Variants in TENM2 observed in about 807,000 individuals in gnomAD.
The protein encoded by TENM2 is teneurin transmembrane protein 2, also known as teneurin-2.
Under a neutral mutation model 245.2 loss-of-function variants are expected in TENM2, and 52 were observed. That is an observed-to-expected ratio of 0.21 (90% confidence interval 0.17 to 0.27). The LOEUF (loss-of-function observed/expected upper bound fraction) is 0.27, where lower values mean the gene tolerates loss of function less well. TENM2 is among the 10% of genes least tolerant of loss of function. TENM2 has a pLI of 1.00. For missense variants in TENM2, 3,046 were observed against 3,666.8 expected, an observed-to-expected ratio of 0.83 and a Z score of 4.37; for synonymous variants, 1,363 against 1,438.9, an observed-to-expected ratio of 0.95 and a Z score of 1.19.
chr5:168,083,655 T>C (rs924563550), intron 7 of TENM2, among the ~76,000 whole-genome samples: 9 of 150,992 alleles, frequency 6.0e-5, no homozygotes, highest in African/African-American at 2.2e-4. Context: ...TCTAAATTAG[T>C]AAATCAGTAG....
chr5:167,990,172 A>G (rs1236159001), intron 4 of TENM2, among the ~76,000 whole-genome samples: 2 of 152,188 alleles, frequency 1.3e-5, no homozygotes, highest in Non-Finnish European at 2.9e-5. Flanking sequence ...TCAAATTCCG[A>G]GGTTTCTCTG....
intron 2 of TENM2, among the ~76,000 whole-genome samples, chr5:167,791,101 C>A (rs961319099): frequency 2.0e-5 from 3 of 152,098 alleles, no homozygotes; most frequent in East Asian, 3.9e-4. Flanking sequence ...GGATTGTAAA[C>A]CCCAAGTGTG....
intron 2 of TENM2, among the ~76,000 whole-genome samples, chr5:167,694,032 G>A (rs897445117): frequency 2.0e-5 from 3 of 152,174 alleles, no homozygotes; most frequent in African/African-American, 7.2e-5. Flanking sequence ...ACTTATCTAA[G>A]ATTTTTAGAA....
At chr5:167,521,170 C>G (rs1770729554) in intron 2 of TENM2, among the ~76,000 whole-genome samples, 1 of 151,746 alleles carries the variant, frequency 6.6e-6, no homozygotes, top group Admixed American at 6.6e-5. Flanking sequence ...AATAAATAAA[C>G]AACATTCAGG....
At chr5:167,049,012 C>A in the TENM2 span, among the ~76,000 whole-genome samples, 1 of 152,030 alleles carries the variant, frequency 6.6e-6, no homozygotes, top group African/African-American at 2.4e-5. Context: ...TGTTTGAGAA[C>A]CACAATGTTG....
intron 3 of TENM2, among the ~76,000 whole-genome samples, chr5:167,890,887 T>C (rs1774697085): frequency 6.6e-6 from 1 of 152,168 alleles, no homozygotes; most frequent in Non-Finnish European, 1.5e-5. Flanking sequence ...AACACTATCA[T>C]GTGTATTACC....
In TENM2 at chr5:167,681,471, A is replaced by T. The variant is rs539674660; in HGVS notation, c.503-194515A>T. On this transcript the variant is annotated intron_variant, in intron 2 of 28. Transcript: ENST00000518659. ...TATGTGATGTCATAAGCAATGATGG[A>T]ATGAATAACTTTGTATATATACTTA... Among the ~76,000 whole-genome samples the T allele has an allele frequency of 5.9e-5, 9 of 152,314 alleles. No homozygotes were observed. In the East Asian group the frequency reaches 1.7e-3, roughly 29 times the overall value.
intron 3 of TENM2, among the ~76,000 whole-genome samples, chr5:167,880,659 T>A (rs1773804886): frequency 6.6e-6 from 1 of 152,184 alleles, no homozygotes; most frequent in Non-Finnish European, 1.5e-5. Context: ...AGTAACATCA[T>A]ATAATACATA....
intron 2 of TENM2, among the ~76,000 whole-genome samples, chr5:167,436,652 C>T (rs1764571498): frequency 6.6e-6 from 1 of 152,056 alleles, no homozygotes; most frequent in South Asian, 2.1e-4. Flanking sequence ...CATCACAGAC[C>T]CAGAGGACTA....
upstream of TENM2, among the ~76,000 whole-genome samples, chr5:167,282,979 G>A (rs1188963137): frequency 6.6e-6 from 1 of 152,086 alleles, no homozygotes; most frequent in Non-Finnish European, 1.5e-5. Flanking sequence ...GCTACTGCTT[G>A]TGCTTTCTTA....
At chr5:167,293,368 A>ATTT (rs199972172) in intron 1 of TENM2, among the ~76,000 whole-genome samples, 16 of 130,538 alleles carry the variant, frequency 1.2e-4, no homozygotes, top group South Asian at 2.5e-4. Context: ...TGTCCGGCTA[A>ATTT]TTTTTTTTTT....
chr5:167,825,974 G>C (rs1160593560), intron 2 of TENM2, among the ~76,000 whole-genome samples: 1 of 151,702 alleles, frequency 6.6e-6, no homozygotes, highest in Non-Finnish European at 1.5e-5. Context: ...GCTCATGTTT[G>C]TTCATTTTTC....
At chr5:168,083,778 T>C (rs1018167569) in intron 7 of TENM2, among the ~76,000 whole-genome samples, 1 of 152,142 alleles carries the variant, frequency 6.6e-6, no homozygotes, top group Non-Finnish European at 1.5e-5. Context: ...CAGAGGTACA[T>C]GAGCAAGTTT....
chr5:167,208,213 C>T, the TENM2 span, among the ~76,000 whole-genome samples: 16 of 152,150 alleles, frequency 1.1e-4, 1 homozygote, highest in Non-Finnish European at 2.1e-4. Context: ...TGTGTACATT[C>T]TTAGTTACTC....
chr5:167,378,474 G>T (rs1255106027), intron 2 of TENM2, among the ~76,000 whole-genome samples: 1 of 151,190 alleles, frequency 6.6e-6, no homozygotes, highest in East Asian at 1.9e-4. Context: ...CTTGGATTGG[G>T]TTGCTTCAAA....
intron 2 of TENM2, among the ~76,000 whole-genome samples, chr5:167,527,513 G>A (rs1490696578): frequency 1.3e-5 from 2 of 152,002 alleles, no homozygotes; most frequent in Non-Finnish European, 2.9e-5. Flanking sequence ...GATTGCCCTA[G>A]CCCTTGTCCC....
At chr5:167,363,129 A>G (rs1759814875) in intron 1 of TENM2, among the ~76,000 whole-genome samples, 1 of 152,208 alleles carries the variant, frequency 6.6e-6, no homozygotes, top group Admixed American at 6.5e-5. Flanking sequence ...TAGAAGAAGA[A>G]ATAAAAATAA....
chr5:167,668,790 A>AC (rs1755742452), intron 2 of TENM2, among the ~76,000 whole-genome samples: 1 of 151,968 alleles, frequency 6.6e-6, no homozygotes, highest in Non-Finnish European at 1.5e-5. Context: ...CCTCATCTCT[A>AC]TAAAAATACA....
chr5:167,003,211 A>G, the TENM2 span, among the ~76,000 whole-genome samples: 3 of 152,212 alleles, frequency 2.0e-5, no homozygotes, highest in Admixed American at 2.0e-4. Flanking sequence ...TTAAACAGAC[A>G]TGATAAAATC....
Sources: allele counts gnomAD v4.1 joint callset (sites outside exome capture counted in the v4.1 genomes callset), GRCh38; gene constraint gnomAD v4.1.1; transcripts MANE v1.5; gene names NCBI Gene and HGNC (gene_info 2026-07-23, HGNC 2026-07-21).